Variants in CANT1 observed in about 807,000 individuals in gnomAD.
CANT1 encodes the protein calcium activated nucleotidase 1.
A neutral mutation model predicts 30.0 loss-of-function variants in CANT1; 26 were observed. The observed-to-expected ratio is 0.87, with a 90% CI of 0.64 to 1.20. The LOEUF (loss-of-function observed/expected upper bound fraction) is 1.20. CANT1 is among the 50% of genes most tolerant of loss of function. The pLI is 0.00. For missense variants in CANT1, 518 were observed against 563.0 expected (o/e 0.92, Z 0.81); for synonymous variants, 246 against 251.8 (o/e 0.98, Z 0.22).
rs1300571791 is a variant in CANT1 at position 79,008,501 on chromosome 17, C to G, written c.-147+1163G>C. Among the ~76,000 whole-genome samples, 2 of 152,212 alleles carry G rather than the reference C, an allele frequency of 1.3e-5. No individual in the cohort carries two copies. Among genetic ancestry groups the G allele is most frequent in the African/African-American group, 4.8e-5 (2 of 41,456 alleles). ...CACCAAGAGCCTCACATTTCCAAAC[C>G]TCTGCTTTGTTGAAAATGTGGTAGG... On this transcript the variant is annotated intron_variant, in intron 1 of 4. Transcript: ENST00000392446. The surrounding 1 kb of genome is among the most constrained non-coding windows in gnomAD (Gnocchi z 4.4).
intron 1 of CANT1, among the ~76,000 whole-genome samples, chr17:78,999,942 C>T (rs74563888): frequency 1.3e-3 from 196 of 152,078 alleles, no homozygotes; most frequent in African/African-American, 4.4e-3. Context: ...TGTGAGCCAA[C>T]ACACCTGGGG....
Position 79,009,645 on chromosome 17 carries a change from C to A in CANT1, c.-147+19G>T. ...GTGGCTGGGGCAGGGCGCCGGCGGC[C>A]GCGGGCGCAGTCACTCACCCGCTGC... is the stretch of plus-strand genomic sequence containing the variant. On this transcript the variant is annotated intron_variant, in intron 1 of 4. Transcript: ENST00000392446. The A allele has an allele frequency of 6.6e-6, 1 of 152,346 alleles. No individual in the cohort carries two copies. The highest frequency in any genetic ancestry group is 1.8e-4 in the South Asian group (1 of 5,466). 9.4% of individuals were successfully genotyped at this position (152,346 alleles called of 1,614,324 possible).
intron 1 of CANT1, among the ~76,000 whole-genome samples, chr17:79,007,650 G>T (rs1368502970): frequency 6.6e-6 from 1 of 152,222 alleles, no homozygotes; most frequent in Non-Finnish European, 1.5e-5. Flanking sequence ...AGGGCCAGGA[G>T]AACTGCTGCT....
Position 78,995,044 on chromosome 17 carries a change from C to T in CANT1, c.809G>A (p.Arg270Gln), listed in dbSNP as rs764240311. ...TGGCGGCTGGATGCCGGCAGCAGCC[C>T]GCAGGGCGTTGTAGTTGGACACCCA... ...ENWVSNYNAL[R>Q]AAAGIQPPGY... is the part of the protein sequence containing the mutation. Residue 270 changes from arginine to glutamine, a missense_variant, in exon 4 of 5, where the codon CGG becomes CAG. Arg to Gln is a conservative substitution (Grantham distance 43). Transcript: ENST00000392446. This position sits in a 1 kb window ranked among gnomAD's most constrained non-coding sequence, Gnocchi z 5.7. 2.3e-5 allele frequency: 37 copies of T among 1,588,146 alleles called. No individual in the cohort carries two copies. The highest frequency in any genetic ancestry group is 8.9e-5 in the Admixed American group (5 of 56,408).
intron 1 of CANT1, among the ~76,000 whole-genome samples, chr17:79,000,690 C>G (rs905073338): frequency 1.4e-4 from 22 of 152,246 alleles, no homozygotes; most frequent in African/African-American, 5.3e-4. Flanking sequence ...CCTGACCACA[C>G]TGGCCCTGGC....
At position 78,991,887 on chromosome 17, in the gene CANT1, A is replaced by C. The variant is rs1568029180; in HGVS notation, c.*1663T>G. 4.3e-6 allele frequency: 1 copy of C among 231,454 alleles called. No individual in the cohort carries two copies. Among genetic ancestry groups the C allele is most frequent in the Non-Finnish European group, 8.5e-6 (1 of 117,050 alleles). The allele number at this position is 231,454 out of a possible 1,614,324, so 14.3% of individuals were successfully genotyped here. On this transcript the variant is annotated 3_prime_UTR_variant, in exon 5 of 5. Coordinates refer to ENST00000392446, the MANE Select transcript of CANT1 (RefSeq NM_001159773.2). ...GCTGCTTCCGGGCACCTGGGCTGTGACTCAGGTGCTGACATGAATACATCA... is the reference window on the plus strand; with the variant it reads ...GCTGCTTCCGGGCACCTGGGCTGTGCCTCAGGTGCTGACATGAATACATCA...
Position 78,993,745 on chromosome 17 carries a change from C to G in CANT1, c.1011G>C (p.Ala337=). The G allele has an allele frequency of 1.9e-6, 3 of 1,613,814 alleles. No individual in the cohort carries two copies. Among genetic ancestry groups the G allele is most frequent in the Non-Finnish European group, 2.5e-6 (3 of 1,180,048 alleles). ...FGDIAVSHVG[A]VVPTHGFSSF... is the part of the protein sequence containing the mutation. ...ACGAGAAGCCGTGAGTGGGGACCAC[C>G]GCCCCGACGTGGCTCACAGCGATGT... is the stretch of plus-strand genomic sequence containing the variant. The change falls in exon 5 of 5, where the codon GCG becomes GCC. Residue 337 remains alanine, a synonymous_variant. Coordinates refer to ENST00000392446, the MANE Select transcript of CANT1 (RefSeq NM_001159773.2). This position sits in a 1 kb window ranked among gnomAD's most constrained non-coding sequence, Gnocchi z 4.5.
Position 78,995,952 on chromosome 17 carries a change from C to G in CANT1, c.632-731G>C, listed in dbSNP as rs1453085699. On this transcript the variant is annotated intron_variant, in intron 3 of 4. Transcript: ENST00000392446. The surrounding 1 kb of genome is among the most constrained non-coding windows in gnomAD (Gnocchi z 5.7). ...TCTGCTTGTGCGATGAGACATTCTCCATGCCAGGGTCTTCCATCCCTCCCG... is the reference window on the plus strand; with the variant it reads ...TCTGCTTGTGCGATGAGACATTCTCGATGCCAGGGTCTTCCATCCCTCCCG... Among the ~76,000 whole-genome samples the G allele has an allele frequency of 1.3e-5, 2 of 152,106 alleles. No individual in the cohort carries two copies. Among genetic ancestry groups the G allele is most frequent in the East Asian group, 3.9e-4 (2 of 5,166 alleles).
chr17:79,006,114 C>G (rs537168576), intron 1 of CANT1: 2 of 152,412 alleles, frequency 1.3e-5, no homozygotes, highest in African/African-American at 4.8e-5. Flanking sequence ...CACCTGTCCC[C>G]GCCCCTAGTA....
Position 79,002,009 on chromosome 17 carries a change from C to A in CANT1, c.-146-4046G>T, listed in dbSNP as rs190552829. On this transcript the variant is annotated intron_variant, in intron 1 of 4. Coordinates refer to ENST00000392446, the MANE Select transcript of CANT1 (RefSeq NM_001159773.2). This position sits in a 1 kb window ranked among gnomAD's most constrained non-coding sequence, Gnocchi z 4.0. ...TCCCACCCAGCTTGAGACTCGCTTC[C>A]CTTCTCCCCATCCACACAGCCTCGG... Among the ~76,000 whole-genome samples, 447 of 152,226 alleles carry A rather than the reference C, an allele frequency of 2.9e-3. 3 individuals carry two copies. The highest frequency in any genetic ancestry group is 4.9e-3 in the Non-Finnish European group (330 of 68,012).
chr17:78,992,980 C>G lies in CANT1; in HGVS notation c.*570G>C, dbSNP rs8079368. 1 of 346,394 alleles carries G rather than the reference C, an allele frequency of 2.9e-6. No individual in the cohort carries two copies. Among genetic ancestry groups the G allele is most frequent in the African/African-American group, 2.0e-5 (1 of 48,804 alleles). The allele number at this position is 346,394 out of a possible 1,614,324, so 21.5% of individuals were successfully genotyped here. ...GCCTGAGAACCAACAGATGTGCCTGCGCCCTGGCCTGTGCAGCTGTGGGCA... is the reference window on the plus strand; with the variant it reads ...GCCTGAGAACCAACAGATGTGCCTGGGCCCTGGCCTGTGCAGCTGTGGGCA... On this transcript the variant is annotated 3_prime_UTR_variant, in exon 5 of 5. Coordinates refer to ENST00000392446, the MANE Select transcript of CANT1 (RefSeq NM_001159773.2).
intron 1 of CANT1, among the ~76,000 whole-genome samples, chr17:79,007,337 C>T (rs1181710482): frequency 1.3e-5 from 2 of 152,132 alleles, no homozygotes; most frequent in East Asian, 1.9e-4. Flanking sequence ...GTTCAGAGTG[C>T]ACTGAGTGAA....
At chr17:79,009,187 C>T (rs533687208) in intron 1 of CANT1, among the ~76,000 whole-genome samples, 61 of 144,608 alleles carry the variant, frequency 4.2e-4, no homozygotes, top group African/African-American at 1.6e-3. Flanking sequence ...GGTCCCCACA[C>T]TAATCAGAGC....
intron 1 of CANT1, chr17:79,006,264 C>G (rs1255097814): frequency 6.6e-6 from 1 of 152,376 alleles, no homozygotes; most frequent in African/African-American, 2.4e-5. Flanking sequence ...CTCCAAAGCC[C>G]GCCCACTGCA....
In CANT1 at chr17:78,997,640, G is replaced by A. The variant is rs759589195; in HGVS notation, c.-18C>T. 1.2e-5 allele frequency: 19 copies of A among 1,557,086 alleles called. No individual in the cohort carries two copies. The highest frequency in any genetic ancestry group is 4.6e-5 in the East Asian group (2 of 43,952). ...ACGGGCATCAGCGTGACAGACAGGC[G>A]GGACCTGCACAGCCAGGGAGGGAGG... On this transcript the variant is annotated 5_prime_UTR_variant, in exon 3 of 5. Transcript: ENST00000392446. This position sits in a 1 kb window ranked among gnomAD's most constrained non-coding sequence, Gnocchi z 7.5.
At position 79,002,749 on chromosome 17, in the gene CANT1, A is replaced by C. The variant is rs772627541; in HGVS notation, c.-146-4786T>G. Among the ~76,000 whole-genome samples, 7 of 152,242 alleles carry C rather than the reference A, an allele frequency of 4.6e-5. No homozygotes were observed. The highest frequency in any genetic ancestry group is 8.8e-5 in the Non-Finnish European group (6 of 68,044). Reference sequence around the variant, plus strand: ...AACTGACAGAATAATTTTTCCAAAAAGCAAGTCTGGATTCCAAGTCTAGTA... The same window carrying C: ...AACTGACAGAATAATTTTTCCAAAACGCAAGTCTGGATTCCAAGTCTAGTA... On this transcript the variant is annotated intron_variant, in intron 1 of 4. Coordinates refer to ENST00000392446, the MANE Select transcript of CANT1 (RefSeq NM_001159773.2). This position sits in a 1 kb window ranked among gnomAD's most constrained non-coding sequence, Gnocchi z 4.0.
Position 78,995,159 on chromosome 17 carries a change from C to T in CANT1, c.694G>A (p.Glu232Lys), listed in dbSNP as rs755707303. 9.9e-6 allele frequency: 16 copies of T among 1,614,034 alleles called. No homozygotes were observed. The South Asian group carries it at 1.6e-4, about 17-fold the overall frequency. Residue 232 changes from glutamate to lysine, a missense_variant, in exon 4 of 5, where the codon GAG becomes AAG. Physicochemically the swap from Glu to Lys is moderately conservative, Grantham distance 56 (BLOSUM62 1). Transcript: ENST00000392446. This position sits in a 1 kb window ranked among gnomAD's most constrained non-coding sequence, Gnocchi z 5.7. ...ERLYVGGLGK[E>K]WTTTTGDVVN... ...ACATCACCCGTAGTGGTCGTCCACT[C>T]CTTGCCCAGGCCGCCCACGTACAGA...
rs763733217 is a variant in CANT1 at position 78,997,551 on chromosome 17, GC to G, written c.71del (p.Gly24AlafsTer8). ...SMHSLRISVG[G>X]LPVLASMTKA... ...TGGTCATGGACGCCAGCACAGGAAG[GC>G]CCCCCACACTGATCCGGAGGGAGTG... On this transcript the variant is annotated frameshift_variant, in exon 3 of 5. Coordinates refer to ENST00000392446, the MANE Select transcript of CANT1 (RefSeq NM_001159773.2). LOFTEE classifies it high-confidence loss of function. The surrounding 1 kb of genome is among the most constrained non-coding windows in gnomAD (Gnocchi z 7.5). 1.3e-6 allele frequency: 2 copies of G among 1,565,178 alleles called. No homozygotes were observed. The highest frequency in any genetic ancestry group is 8.7e-7 in the Non-Finnish European group (1 of 1,154,884).
Position 78,995,092 on chromosome 17 carries a change from T to C in CANT1, c.761A>G (p.Lys254Arg), listed in dbSNP as rs1272812334. The C allele has an allele frequency of 1.2e-6, 2 of 1,611,806 alleles. No individual in the cohort carries two copies. Among genetic ancestry groups the C allele is most frequent in the Non-Finnish European group, 1.7e-6 (2 of 1,179,120 alleles). The change falls in exon 4 of 5, where the codon AAG becomes AGG. Residue 254 changes from lysine to arginine, a missense_variant. By Grantham distance (26) the Lys-to-Arg change is conservative. Transcript: ENST00000392446. The surrounding 1 kb of genome is among the most constrained non-coding windows in gnomAD (Gnocchi z 5.7). The part of the protein sequence containing the change: ...NPEWVKVVGY[K>R]GSVDHENWVS... ...CCAGTTCTCGTGGTCCACGCTGCCC[T>C]TGTAGCCCACCACCTTCACCCACTC...
Sources: allele counts gnomAD v4.1 joint callset (sites outside exome capture counted in the v4.1 genomes callset), GRCh38; gene constraint gnomAD v4.1.1; non-coding constraint Gnocchi (gnomAD v3.1); transcripts MANE v1.5; gene names NCBI Gene and HGNC (gene_info 2026-07-23, HGNC 2026-07-21).